Variants in MARK2 observed in about 807,000 individuals in gnomAD.
MARK2 encodes the protein serine/threonine-protein kinase MARK2.
A neutral mutation model predicts 89.8 loss-of-function variants in MARK2; 16 were observed. The ratio of observed to expected loss-of-function variants is 0.18; its 90% CI spans 0.12 to 0.27. The LOEUF (loss-of-function observed/expected upper bound fraction) is 0.27, where lower values mean the gene tolerates loss of function less well. Ranked by LOEUF, MARK2 falls within the 10% of genes least tolerant of loss-of-function variation. The probability of loss-of-function intolerance (pLI) is 1.00; values close to 1 mark genes in which losing one functional copy is unlikely to be tolerated. For missense variants in MARK2, 621 were observed against 1,049.9 expected (o/e 0.59, Z 5.65); for synonymous variants, 382 against 399.5 (o/e 0.96, Z 0.52).
In MARK2 at chr11:63,908,863, T is replaced by A; in HGVS notation, c.2007-14T>A. 1 of 1,473,246 alleles carries A rather than the reference T, an allele frequency of 6.8e-7. No homozygotes were observed. The allele number at this position is 1,473,246 out of a possible 1,614,324, so 91.3% of individuals were successfully genotyped here. A position where few individuals can be genotyped will look rare whatever the true frequency, so the allele number is the denominator to read the frequency against. On this transcript the variant is annotated splice_polypyrimidine_tract_variant and intron_variant, in intron 18 of 18. Coordinates refer to ENST00000402010, the MANE Select transcript of MARK2 (RefSeq NM_001039469.3). Reference sequence around the variant, plus strand: ...TCAGCCCCCCCGTGACGCCCGCCTCTGCCCTCTCCACAGACCTCACGTGGT... The same window carrying A: ...TCAGCCCCCCCGTGACGCCCGCCTCAGCCCTCTCCACAGACCTCACGTGGT...
At chr11:63,850,597 G>GA (rs1000635882) in intron 1 of MARK2, among the ~76,000 whole-genome samples, 23 of 150,064 alleles carry the variant, frequency 1.5e-4, no homozygotes, top group South Asian at 8.5e-4. Flanking sequence ...CTTGATTAAA[G>GA]AAAAAAAAAC....
At position 63,901,062 on chromosome 11, in the gene MARK2, G is replaced by C; in HGVS notation, c.1094G>C (p.Ser365Thr). 6.2e-7 allele frequency: 1 copy of C among 1,610,998 alleles called. No individual in the cohort carries two copies. The change falls in exon 11 of 19, where the codon AGC becomes ACC. Residue 365 changes from serine to threonine, a missense_variant. By Grantham distance (58) the Ser-to-Thr change is moderately conservative (BLOSUM62 1). This residue lies in a region of MARK2 where 397 missense variants were observed against 567.8 expected (regional missense o/e 0.70). Coordinates refer to ENST00000402010, the MANE Select transcript of MARK2 (RefSeq NM_001039469.3). ...ACCTATCTGCTCCTGGGCTACAAGAGCTCCGAGGTGTGTGCTCCCCGCCCC... is the reference window on the plus strand; with the variant it reads ...ACCTATCTGCTCCTGGGCTACAAGACCTCCGAGGTGTGTGCTCCCCGCCCC... ...MATYLLLGYK[S>T]SELEGDTITL...
At chr11:63,858,324 T>C (rs534948254) in intron 1 of MARK2, among the ~76,000 whole-genome samples, 13 of 151,990 alleles carry the variant, frequency 8.6e-5, no homozygotes, top group Non-Finnish European at 1.6e-4. Flanking sequence ...CCCTGTAATA[T>C]AATTTTACAT....
intron 1 of MARK2, among the ~76,000 whole-genome samples, chr11:63,851,501 T>G (rs2016571374): frequency 8.3e-6 from 1 of 121,152 alleles, no homozygotes; most frequent in African/African-American, 2.5e-5. Context: ...CTCTGCTGAC[T>G]TGTTTCACTT....
At chr11:63,869,810 A>G (rs1217406887) in intron 1 of MARK2, among the ~76,000 whole-genome samples, 1 of 152,202 alleles carries the variant, frequency 6.6e-6, no homozygotes, top group African/African-American at 2.4e-5. Context: ...AAGGTCAGGA[A>G]GCGATCTTCA....
chr11:63,871,490 G>T (rs907370225), intron 1 of MARK2, among the ~76,000 whole-genome samples: 2 of 151,890 alleles, frequency 1.3e-5, no homozygotes, highest in Admixed American at 6.6e-5. Context: ...TGGCTGAAGA[G>T]TATTCACTGT....
chr11:63,839,269 A>ACAGCC lies in MARK2; in HGVS notation c.-232_-228dup, dbSNP rs1450336379. On this transcript the variant is annotated 5_prime_UTR_variant, in exon 1 of 19. Coordinates refer to ENST00000402010, the MANE Select transcript of MARK2 (RefSeq NM_001039469.3). ...CGGCGCGGCCCGGCCGAAAGGCGGC[A>ACAGCC]CAGCCCAGCCGGGGGTCGGGGGGGT... is the stretch of plus-strand genomic sequence containing the variant. 2.1e-5 allele frequency: 6 copies of ACAGCC among 289,566 alleles called. No homozygotes were observed. Among genetic ancestry groups the ACAGCC allele is most frequent in the Non-Finnish European group, 3.8e-5 (6 of 158,216 alleles). 17.9% of individuals were successfully genotyped at this position (289,566 alleles called of 1,614,324 possible).
chr11:63,897,790 G>A (rs1235712904), intron 3 of MARK2, among the ~76,000 whole-genome samples: 1 of 152,228 alleles, frequency 6.6e-6, no homozygotes, highest in East Asian at 1.9e-4. Flanking sequence ...TCTGACTACT[G>A]TAAATCAGAA....
Position 63,900,916 on chromosome 11 carries a change from A to G in MARK2, c.988+37A>G. 6.2e-7 allele frequency: 1 copy of G among 1,611,224 alleles called. No homozygotes were observed. Among genetic ancestry groups the G allele is most frequent in the Non-Finnish European group, 8.5e-7 (1 of 1,177,380 alleles). Reference sequence around the variant, plus strand: ...CCGGGCTGTGAGGTTAAGCTTGCCTAGGAGTTGAGGCCAGTCTTAACTGTA... The same window carrying G: ...CCGGGCTGTGAGGTTAAGCTTGCCTGGGAGTTGAGGCCAGTCTTAACTGTA... On this transcript the variant is annotated intron_variant, in intron 10 of 18. Transcript: ENST00000402010. This position sits in a 1 kb window ranked among gnomAD's most constrained non-coding sequence, Gnocchi z 4.7.
chr11:63,880,699 T>C (rs758727956), intron 1 of MARK2, among the ~76,000 whole-genome samples: 1 of 152,182 alleles, frequency 6.6e-6, no homozygotes, highest in Non-Finnish European at 1.5e-5. Context: ...AAAGGAAGGC[T>C]AGGGCTTGAT....
chr11:63,877,135 A>T (rs1446904281), intron 1 of MARK2, among the ~76,000 whole-genome samples: 9 of 98,682 alleles, frequency 9.1e-5, no homozygotes, highest in East Asian at 3.5e-4. Flanking sequence ...TTTGAGACGG[A>T]GTCTTGCTCT....
At chr11:63,846,964 T>A (rs75859577) in intron 1 of MARK2, among the ~76,000 whole-genome samples, 1 of 152,128 alleles carries the variant, frequency 6.6e-6, no homozygotes, top group Non-Finnish European at 1.5e-5. Context: ...CCCAAAAAAA[T>A]TTTTAAAAAG....
intron 1 of MARK2, among the ~76,000 whole-genome samples, chr11:63,842,547 A>AG (rs2016073844): frequency 1.3e-5 from 2 of 152,134 alleles, no homozygotes; most frequent in African/African-American, 4.8e-5. Context: ...GACAAGCAGC[A>AG]GCTCCTCAGG....
At chr11:63,890,234 T>C (rs777372332) in intron 1 of MARK2, 2 of 1,340,878 alleles carry the variant, frequency 1.5e-6, no homozygotes, top group African/African-American at 3.0e-5. Flanking sequence ...GCTTGCCTCC[T>C]TACCCTGGCT....
At chr11:63,864,303 A>C (rs926944346) in intron 1 of MARK2, among the ~76,000 whole-genome samples, 7 of 151,192 alleles carry the variant, frequency 4.6e-5, no homozygotes, top group Admixed American at 1.3e-4. Flanking sequence ...CCCAGGCTGG[A>C]GTGCAATGGC....
intron 1 of MARK2, among the ~76,000 whole-genome samples, chr11:63,865,984 C>T (rs1389518436): frequency 6.6e-6 from 1 of 152,186 alleles, no homozygotes; most frequent in Non-Finnish European, 1.5e-5. Flanking sequence ...ACCCTGCTCT[C>T]TGGTGCGTTC....
chr11:63,897,862 A>T (rs79373339), intron 3 of MARK2, among the ~76,000 whole-genome samples: 2,584 of 152,260 alleles, frequency 0.017, 79 homozygotes, highest in African/African-American at 0.059. Context: ...TGGGGTGTGT[A>T]CTGTCACTGA....
intron 1 of MARK2, among the ~76,000 whole-genome samples, chr11:63,871,077 CAT>C (rs893599441): frequency 5.9e-5 from 9 of 152,196 alleles, no homozygotes; most frequent in Admixed American, 5.2e-4. Flanking sequence ...CCTACACACA[CAT>C]ACATAAAATC....
intron 18 of MARK2, among the ~76,000 whole-genome samples, 160 bp downstream of exon 18, chr11:63,908,464 A>C (rs1941525340): frequency 6.6e-6 from 1 of 151,984 alleles, no homozygotes. Flanking sequence ...CCCCTTCCCA[A>C]ACCCAATTGC....
Sources: gnomAD v4.1 joint callset for allele counts (sites outside exome capture counted in the v4.1 genomes callset) on GRCh38, gnomAD v4.1.1 for gene constraint, gnomAD v4.1.1 regional missense constraint, Gnocchi (gnomAD v3.1) non-coding constraint, MANE v1.5 for transcripts, NCBI Gene and HGNC (gene_info 2026-07-23, HGNC 2026-07-21) for gene names.